The following DLGAP4 variants were observed in gnomAD, a reference collection of about 807,000 sequenced individuals.
DLGAP4 encodes the protein disks large-associated protein 4.
DLGAP4 carries 18 observed loss-of-function variants against 86.9 expected under a neutral mutation model. The observed-to-expected ratio is 0.21, with a 90% CI of 0.14 to 0.31. DLGAP4 has a LOEUF of 0.31. Ranked by LOEUF, DLGAP4 falls within the 10% of genes least tolerant of loss-of-function variation. The pLI, the probability that DLGAP4 is intolerant of heterozygous loss-of-function variation, is 1.00. For synonymous variants in DLGAP4, 548 were observed against 574.3 expected, an observed-to-expected ratio of 0.95 and a Z score of 0.65; for missense variants, 1,085 against 1,362.6, an observed-to-expected ratio of 0.80 and a Z score of 3.21.
chr20:36,506,728 TCA>T (rs927429315), intron 10 of DLGAP4, among the ~76,000 whole-genome samples: 7 of 152,216 alleles, frequency 4.6e-5, no homozygotes, highest in African/African-American at 1.7e-4. Flanking sequence ...GGCATTAAAT[TCA>T]CACTGTTGTA....
chr20:36,341,635 G>T lies in DLGAP4; in HGVS notation c.-303-25410G>T, dbSNP rs373606155. Among the ~76,000 whole-genome samples, 14 of 152,356 alleles carry T rather than the reference G, an allele frequency of 9.2e-5. No individual in the cohort carries two copies. The East Asian group carries it at 1.9e-3, about 21-fold the overall frequency. On this transcript the variant is annotated intron_variant, in intron 1 of 12. Transcript: ENST00000339266. ...AAGGGCACGCGGCTCCCGCGGGGAG[G>T]AGTTGGTGTCTGATCTCCCAGATCT...
In DLGAP4 at chr20:36,489,855, CTTTTTTT is replaced by C. The variant is rs764797081; in HGVS notation, c.1649-6833_1649-6827del. Among the ~76,000 whole-genome samples the C allele has an allele frequency of 2.1e-3, 228 of 107,996 alleles. 1 individual carries two copies. The highest frequency in any genetic ancestry group is 9.3e-3 in the Middle Eastern group (2 of 214). 70.8% of individuals were successfully genotyped at this position (107,996 alleles called of 152,430 possible). On this transcript the variant is annotated intron_variant, in intron 7 of 12. Coordinates refer to ENST00000339266, the MANE Select transcript of DLGAP4 (RefSeq NM_001365621.2). ...GTAAAGTTTGATGTTGCTAATTCTTCTTTTTTTTTTTTTTTTTTTTTTTGATGGAGTC... is the reference window on the plus strand; with the variant it reads ...GTAAAGTTTGATGTTGCTAATTCTTCTTTTTTTTTTTTTTTTGATGGAGTC...
intron 1 of DLGAP4, among the ~76,000 whole-genome samples, chr20:36,310,369 G>A (rs1338246939): frequency 6.6e-6 from 1 of 152,186 alleles, no homozygotes; most frequent in African/African-American, 2.4e-5. Flanking sequence ...GGAGGCTGGT[G>A]GTGGAGGGAG....
intron 2 of DLGAP4, among the ~76,000 whole-genome samples, chr20:36,383,827 T>G (rs1358070918): frequency 6.6e-6 from 1 of 151,688 alleles, no homozygotes; most frequent in Non-Finnish European, 1.5e-5. Flanking sequence ...TACAAAAAAT[T>G]AGCCAGGTGT....
At chr20:36,509,443 C>T (rs1311593488) in intron 10 of DLGAP4, among the ~76,000 whole-genome samples, 1 of 151,884 alleles carries the variant, frequency 6.6e-6, no homozygotes, top group Non-Finnish European at 1.5e-5. Context: ...TGGTGGCAGG[C>T]GCCTGTAATC....
chr20:36,349,366 C>G (rs769210820), intron 1 of DLGAP4, among the ~76,000 whole-genome samples: 1 of 149,334 alleles, frequency 6.7e-6, no homozygotes, highest in Non-Finnish European at 1.5e-5. Flanking sequence ...TGCAGTGAGC[C>G]GAGATCACGC....
At chr20:36,337,572 GA>G (rs2065335436) in intron 1 of DLGAP4, among the ~76,000 whole-genome samples, 1 of 152,120 alleles carries the variant, frequency 6.6e-6, no homozygotes, top group Non-Finnish European at 1.5e-5. Flanking sequence ...GCACAGACAG[GA>G]GGCAGGGACA....
chr20:36,394,286 C>G (rs1339901432), intron 2 of DLGAP4, among the ~76,000 whole-genome samples: 3 of 152,206 alleles, frequency 2.0e-5, no homozygotes, highest in Non-Finnish European at 2.9e-5. Context: ...TTCCCTGACA[C>G]CCTGGCTGGG....
chr20:36,400,089 G>A (rs2032113128), intron 2 of DLGAP4, among the ~76,000 whole-genome samples: 1 of 152,210 alleles, frequency 6.6e-6, no homozygotes, highest in Non-Finnish European at 1.5e-5. Context: ...AAACCTGTTT[G>A]TAACTCCCTG....
rs376003800 is a variant in DLGAP4, at chr20:36,432,070, G to A, written c.353G>A (p.Gly118Asp). Reference protein sequence around the residue: ...FEKQLPIHRDGFSTLQFPRGE... With the variant: ...FEKQLPIHRDDFSTLQFPRGE... ...AAGCAGCTGCCCATCCACCGTGATG[G>A]CTTCAGCACCCTCCAATTTCCCCGT... is the stretch of plus-strand genomic sequence containing the variant. Residue 118 changes from glycine to aspartate, a missense_variant, in exon 3 of 13, where the codon GGC (glycine) becomes GAC (aspartate). Gly to Asp is a moderately conservative substitution (Grantham distance 94). Transcript: ENST00000339266. This position sits in a 1 kb window ranked among gnomAD's most constrained non-coding sequence, Gnocchi z 6.5. 2 of 1,614,032 alleles carry A rather than the reference G, an allele frequency of 1.2e-6. No individual in the cohort carries two copies. The highest frequency in any genetic ancestry group is 2.7e-5 in the African/African-American group (2 of 74,946).
intron 7 of DLGAP4, 51 bp downstream of exon 7, chr20:36,446,988 A>G: frequency 6.4e-7 from 1 of 1,554,712 alleles, no homozygotes; most frequent in East Asian, 2.3e-5. Flanking sequence ...AGGGGACCCC[A>G]AGGACCATAC....
At chr20:36,444,826 G>A (rs2033548649) in intron 6 of DLGAP4, among the ~76,000 whole-genome samples, 1 of 151,228 alleles carries the variant, frequency 6.6e-6, no homozygotes, top group Admixed American at 6.6e-5. Flanking sequence ...TTTTAGTAGA[G>A]ACAGGATTTC....
At chr20:36,462,446 C>T (rs2034133717) in intron 7 of DLGAP4, 1 of 1,531,880 alleles carries the variant, frequency 6.5e-7, no homozygotes, top group Non-Finnish European at 8.7e-7. Context: ...TGCCTGGGGC[C>T]CTTGGCCCCC....
chr20:36,420,757 T>C (rs1343333311), intron 2 of DLGAP4, among the ~76,000 whole-genome samples: 1 of 152,054 alleles, frequency 6.6e-6, no homozygotes, highest in African/African-American at 2.4e-5. Flanking sequence ...GCGGATCACC[T>C]GAGGTCGGGA....
At chr20:36,423,696 C>T (rs995389956) in intron 2 of DLGAP4, among the ~76,000 whole-genome samples, 1 of 151,436 alleles carries the variant, frequency 6.6e-6, no homozygotes, top group African/African-American at 2.4e-5. Context: ...AAGTAAGGAT[C>T]ATGGCCAGTA....
intron 2 of DLGAP4, among the ~76,000 whole-genome samples, chr20:36,384,551 G>T (rs1217722013): frequency 6.6e-6 from 1 of 152,186 alleles, no homozygotes; most frequent in Non-Finnish European, 1.5e-5. Flanking sequence ...GTGACCTGGG[G>T]ACTGTATTTC....
In DLGAP4 at chr20:36,412,849, G is replaced by A. The variant is rs79255835; in HGVS notation, c.-72-18797G>A. Among the ~76,000 whole-genome samples the A allele has an allele frequency of 7.6e-3, 1,149 of 152,162 alleles. 11 individuals are homozygous for A. The highest frequency in any genetic ancestry group is 0.026 in the African/African-American group (1,058 of 41,480). Reference sequence around the variant, plus strand: ...TACAGATACATCCTCCAGGTGAAACGCCTTTTAAAACTGAGGTAGAATACA... The same window carrying A: ...TACAGATACATCCTCCAGGTGAAACACCTTTTAAAACTGAGGTAGAATACA... On this transcript the variant is annotated intron_variant, in intron 2 of 12. Coordinates refer to ENST00000339266, the MANE Select transcript of DLGAP4 (RefSeq NM_001365621.2).
At chr20:36,481,821 G>A (rs1446711221) in intron 7 of DLGAP4, among the ~76,000 whole-genome samples, 1 of 152,186 alleles carries the variant, frequency 6.6e-6, no homozygotes, top group Non-Finnish European at 1.5e-5. Flanking sequence ...AGAGTTCAGT[G>A]GGGACTGCGC....
At chr20:36,426,098 A>C (rs143961343) in intron 2 of DLGAP4, among the ~76,000 whole-genome samples, 1 of 152,368 alleles carries the variant, frequency 6.6e-6, no homozygotes, top group African/African-American at 2.4e-5. Context: ...ACATGGGTGA[A>C]CTTAGAAAAC....
Sources: gnomAD v4.1 joint callset for allele counts (sites outside exome capture counted in the v4.1 genomes callset) on GRCh38, gnomAD v4.1.1 for gene constraint, Gnocchi (gnomAD v3.1) non-coding constraint, MANE v1.5 for transcripts, NCBI Gene and HGNC (gene_info 2026-07-23, HGNC 2026-07-21) for gene names.